The following STAB2 variants were observed in gnomAD, a reference collection of about 807,000 sequenced individuals.
STAB2 encodes stabilin-2.
STAB2 carries 288 observed loss-of-function variants against 338.1 expected under a neutral mutation model. The observed-to-expected ratio is 0.85, with a 90% CI of 0.77 to 0.94. The LOEUF (loss-of-function observed/expected upper bound fraction) is 0.94. STAB2 is among the 40% of genes least tolerant of loss of function. The probability of loss-of-function intolerance (pLI) is 0.00; values close to 1 mark genes in which losing one functional copy is unlikely to be tolerated. For synonymous variants in STAB2, 1,202 were observed against 1,193.3 expected (o/e 1.01, Z -0.15); for missense variants, 3,141 against 3,210.1 (o/e 0.98, Z 0.52).
chr12:103,752,246 A>AT, intron 60 of STAB2, among the ~76,000 whole-genome samples: 1 of 152,182 alleles, frequency 6.6e-6, no homozygotes, highest in East Asian at 1.9e-4. Context: ...ACTCAAATTC[A>AT]TTGTAAGGTA....
intron 3 of STAB2, among the ~76,000 whole-genome samples, chr12:103,611,693 G>T (rs1957125300): frequency 6.6e-6 from 1 of 152,136 alleles, no homozygotes; most frequent in African/African-American, 2.4e-5. Context: ...TACATTTAAG[G>T]TTAATATTGT....
chr12:103,741,896 CT>C (rs1566065854), intron 55 of STAB2, among the ~76,000 whole-genome samples: 1 of 152,248 alleles, frequency 6.6e-6, no homozygotes, highest in African/African-American at 2.4e-5. Flanking sequence ...TGAGAATACT[CT>C]GGGTTGAGAG....
intron 9 of STAB2, 27 bp downstream of exon 9, chr12:103,640,283 C>G: frequency 6.3e-7 from 1 of 1,596,134 alleles, no homozygotes; most frequent in Non-Finnish European, 8.6e-7. Context: ...CCTCCACCAA[C>G]ATTTCCAAGT....
chr12:103,699,386 G>T (rs1878671438), intron 34 of STAB2, among the ~76,000 whole-genome samples, 159 bp downstream of exon 34: 1 of 152,146 alleles, frequency 6.6e-6, no homozygotes, highest in Non-Finnish European at 1.5e-5. Context: ...GAAAGAAAAA[G>T]AGGTTTAACA....
intron 3 of STAB2, among the ~76,000 whole-genome samples, chr12:103,607,479 TG>T (rs1957048902): frequency 6.9e-6 from 1 of 144,626 alleles, no homozygotes; most frequent in Non-Finnish European, 1.6e-5. Flanking sequence ...GTTGGTGTGT[TG>T]CACCCATTAA....
chr12:103,765,494 A>G lies in STAB2; in HGVS notation c.7606-792A>G, dbSNP rs1046309475. Among the ~76,000 whole-genome samples the G allele has an allele frequency of 5.3e-5, 8 of 152,308 alleles. 1 individual carries two copies. Among genetic ancestry groups the G allele is most frequent in the Admixed American group, 1.3e-4 (2 of 15,304 alleles). The stretch of plus-strand genomic sequence containing the variant: ...CCATGAAAAGCCATTTCTAGCATCT[A>G]TTATGCTAATTGACAAAGCCTGGGT... On this transcript the variant is annotated intron_variant, in intron 68 of 68. Transcript: ENST00000388887.
rs1451407490 is a variant in STAB2 at position 103,699,242 on chromosome 12, T to C, written c.3714+15T>C. 2.1e-5 allele frequency: 33 copies of C among 1,602,862 alleles called. No homozygotes were observed. The Admixed American group carries it at 3.9e-4, about 19-fold the overall frequency. ...ATAATGACCAGGTACGATCCTTTTATGTAAAACCCCAGCAATGCCACCGAG... is the reference window on the plus strand; with the variant it reads ...ATAATGACCAGGTACGATCCTTTTACGTAAAACCCCAGCAATGCCACCGAG... On this transcript the variant is annotated intron_variant, in intron 34 of 68. Coordinates refer to ENST00000388887, the MANE Select transcript of STAB2 (RefSeq NM_017564.10).
chr12:103,737,373 T>C (rs1882210286), intron 52 of STAB2, among the ~76,000 whole-genome samples: 1 of 152,174 alleles, frequency 6.6e-6, no homozygotes, highest in African/African-American at 2.4e-5. Context: ...GCTACATCCA[T>C]AGAGACACCT....
At chr12:103,725,531 TGTGTGCATGTGTGC>T (rs1169620268) in intron 45 of STAB2, among the ~76,000 whole-genome samples, 8 of 152,270 alleles carry the variant, frequency 5.3e-5, no homozygotes, top group South Asian at 2.1e-4. Flanking sequence ...TGGATTGCAG[TGTGTGCATGTGTGC>T]GTGTGCATGT....
intron 3 of STAB2, among the ~76,000 whole-genome samples, chr12:103,606,632 T>C (rs1014154064): frequency 1.3e-5 from 2 of 152,150 alleles, no homozygotes; most frequent in Non-Finnish European, 2.9e-5. Context: ...AAGTTGACAA[T>C]TTTTTTGGTT....
chr12:103,623,081 A>C (rs1050574007), intron 5 of STAB2, among the ~76,000 whole-genome samples: 3 of 152,248 alleles, frequency 2.0e-5, no homozygotes, highest in Admixed American at 6.5e-5. Context: ...ACAAGTAGTT[A>C]GTTTATTTGA....
At chr12:103,719,462 A>G (rs747916633) in intron 44 of STAB2, among the ~76,000 whole-genome samples, 26 of 152,202 alleles carry the variant, frequency 1.7e-4, no homozygotes, top group South Asian at 2.1e-4. Context: ...TAGAGGACCA[A>G]ATCCAAAATT....
At chr12:103,700,817 A>G (rs1191282098) in intron 34 of STAB2, among the ~76,000 whole-genome samples, 1 of 152,226 alleles carries the variant, frequency 6.6e-6, no homozygotes, top group African/African-American at 2.4e-5. Context: ...TTCTCTTATG[A>G]CAATGGAAGT....
At chr12:103,644,527 A>G (rs1428404476) in intron 9 of STAB2, among the ~76,000 whole-genome samples, 1 of 142,256 alleles carries the variant, frequency 7.0e-6, no homozygotes, top group African/African-American at 2.7e-5. Context: ...AGAATGATCA[A>G]TAAAAATAAA....
intron 6 of STAB2, 86 bp from the exon 7 acceptor site, chr12:103,637,025 T>A (rs1957557759): frequency 7.1e-7 from 1 of 1,406,062 alleles, no homozygotes; most frequent in Admixed American, 2.8e-5. Flanking sequence ...TGTATTGCTT[T>A]TTAATAAAAG....
chr12:103,656,902 G>A (rs1874230677), intron 15 of STAB2, among the ~76,000 whole-genome samples: 1 of 150,974 alleles, frequency 6.6e-6, no homozygotes, highest in Admixed American at 6.6e-5. Flanking sequence ...TAGCCAGGAT[G>A]GTCTCGATCT....
intron 60 of STAB2, among the ~76,000 whole-genome samples, chr12:103,751,868 G>A (rs1432484232): frequency 3.9e-5 from 6 of 152,166 alleles, no homozygotes; most frequent in Non-Finnish European, 8.8e-5. Context: ...TGTGCATCAC[G>A]TTGGACCTCC....
At chr12:103,736,391 C>A (rs1204155858) in intron 52 of STAB2, among the ~76,000 whole-genome samples, 1 of 152,228 alleles carries the variant, frequency 6.6e-6, no homozygotes. Context: ...CAACATTCTG[C>A]ATACATCTTA....
intron 17 of STAB2, among the ~76,000 whole-genome samples, chr12:103,661,935 A>T (rs564396342): frequency 5.9e-5 from 9 of 152,154 alleles, no homozygotes; most frequent in Non-Finnish European, 7.3e-5. Flanking sequence ...AGTCAGGGTA[A>T]GGATGCAGGC....
Sources: gnomAD v4.1 joint callset for allele counts (sites outside exome capture counted in the v4.1 genomes callset) on GRCh38, gnomAD v4.1.1 for gene constraint, MANE v1.5 for transcripts, NCBI Gene and HGNC (gene_info 2026-07-23, HGNC 2026-07-21) for gene names.